ANKDD1B: variants seen among roughly 807,000 people sequenced by gnomAD.
The protein encoded by ANKDD1B is ankyrin repeat and death domain containing 1B.
A neutral mutation model predicts 59.7 loss-of-function variants in ANKDD1B; 57 were observed. The observed-to-expected ratio is 0.95, with a 90% CI of 0.77 to 1.19. The LOEUF (loss-of-function observed/expected upper bound fraction) is 1.19. Ranked by LOEUF, ANKDD1B falls within the 50% of genes most tolerant of loss-of-function variation. ANKDD1B has a pLI of 0.00. For synonymous variants in ANKDD1B, 216 were observed against 239.5 expected, an observed-to-expected ratio of 0.90 and a Z score of 0.91; for missense variants, 602 against 641.9, an observed-to-expected ratio of 0.94 and a Z score of 0.67.
intron 13 of ANKDD1B, among the ~76,000 whole-genome samples, chr5:75,670,629 C>CT (rs991550526): frequency 4.6e-5 from 7 of 152,066 alleles, no homozygotes; most frequent in Admixed American, 3.3e-4. Context: ...GTGAGCTGCA[C>CT]TTTTTTTTCT....
At chr5:75,665,718 C>T (rs1775287757) in intron 11 of ANKDD1B, among the ~76,000 whole-genome samples, 1 of 152,174 alleles carries the variant, frequency 6.6e-6, no homozygotes, top group African/African-American at 2.4e-5. Context: ...GAGCTTATTG[C>T]ATTTCCCTTG....
rs1775468950 is a variant in ANKDD1B, at chr5:75,671,092, T to A, written c.*52T>A. On this transcript the variant is annotated 3_prime_UTR_variant, in exon 14 of 14. Transcript: ENST00000601380. Reference sequence around the variant, plus strand: ...ATTTTCCACTCAGCATTCAGTTCTTTTAATGCCATAAATTTCTTCTAGCAG... The same window carrying A: ...ATTTTCCACTCAGCATTCAGTTCTTATAATGCCATAAATTTCTTCTAGCAG... The A allele has an allele frequency of 1.1e-6, 1 of 886,880 alleles. No homozygotes were observed. Among genetic ancestry groups the A allele is most frequent in the Non-Finnish European group, 1.5e-6 (1 of 672,840 alleles). 54.9% of individuals were successfully genotyped at this position (886,880 alleles called of 1,614,324 possible). A position where few individuals can be genotyped will look rare whatever the true frequency, so the allele number is the denominator to read the frequency against.
At chr5:75,657,138 A>G (rs77086169) in intron 9 of ANKDD1B, among the ~76,000 whole-genome samples, 2,744 of 152,278 alleles carry the variant, frequency 0.018, 90 homozygotes, top group African/African-American at 0.063. Context: ...ATCTTTCCCA[A>G]TGGGCAAAAT....
Position 75,671,144 on chromosome 5 carries a change from G to A in ANKDD1B, c.*104G>A. ...AGCACTGATTTTCAACTATGATGAT[G>A]GTGGTGACAGGGAACTCTAACAGAT... On this transcript the variant is annotated 3_prime_UTR_variant, in exon 14 of 14. Transcript: ENST00000601380. 1 of 441,316 alleles carries A rather than the reference G, an allele frequency of 2.3e-6. No homozygotes were observed. Among genetic ancestry groups the A allele is most frequent in the East Asian group, 3.6e-5 (1 of 27,886 alleles). The allele number at this position is 441,316 out of a possible 1,614,324, so 27.3% of individuals were successfully genotyped here.
At chr5:75,648,927 A>G (rs1561444621) in intron 7 of ANKDD1B, among the ~76,000 whole-genome samples, 1 of 152,104 alleles carries the variant, frequency 6.6e-6, no homozygotes, top group Non-Finnish European at 1.5e-5. Context: ...CCTCCCCATC[A>G]TCAAGGGGAG....
intron 9 of ANKDD1B, 110 bp from the exon 10 acceptor site, chr5:75,659,173 C>T (rs911103022): frequency 1.8e-5 from 13 of 730,570 alleles, no homozygotes; most frequent in Non-Finnish European, 2.9e-5. Context: ...CCCCAGTATC[C>T]ATTAAAAAAT....
rs1353246210 is a variant in ANKDD1B at position 75,611,749 on chromosome 5, C to A, written c.115C>A (p.Pro39Thr). ...REDLWGAAAL[P>T]WRSLSRIPKR... ...AGACCTGTGGGGCGCGGCCGCCCTG[C>A]CTTGGAGGAGCCTGTCCCGGATCCC... The change falls in exon 1 of 14, where the codon CCT becomes ACT. Residue 39 changes from proline (P) to threonine (T), a missense_variant. Physicochemically the swap from Pro to Thr is conservative, Grantham distance 38. Around this residue, in one of 3 missense-constraint regions of ANKDD1B, gnomAD observed 317 missense variants for 304.6 expected, o/e 1.04. Transcript: ENST00000601380. 6 of 1,231,876 alleles carry A rather than the reference C, an allele frequency of 4.9e-6. No homozygotes were observed. Among genetic ancestry groups the A allele is most frequent in the Non-Finnish European group, 5.1e-6 (5 of 988,114 alleles). 76.3% of individuals were successfully genotyped at this position (1,231,876 alleles called of 1,614,324 possible).
rs151130572 is a variant in ANKDD1B, at chr5:75,630,489, A to T, written c.601-4409A>T. Reference sequence around the variant, plus strand: ...TTTCCATGGAAAGGAAAGATGTTTCATCTGTGGTAACTGTAGTCTTTTCTC... The same window carrying T: ...TTTCCATGGAAAGGAAAGATGTTTCTTCTGTGGTAACTGTAGTCTTTTCTC... On this transcript the variant is annotated intron_variant, in intron 5 of 13. Coordinates refer to ENST00000601380, the MANE Select transcript of ANKDD1B (RefSeq NM_001276713.2). Among the ~76,000 whole-genome samples, 832 of 152,350 alleles carry T rather than the reference A, an allele frequency of 5.5e-3. 10 individuals are homozygous for T. The highest frequency in any genetic ancestry group is 0.014 in the African/African-American group (596 of 41,580).
chr5:75,661,044 C>T (rs1000737544), intron 10 of ANKDD1B, among the ~76,000 whole-genome samples: 1 of 151,596 alleles, frequency 6.6e-6, no homozygotes, highest in African/African-American at 2.4e-5. Context: ...TTTTACTTTT[C>T]TCTGTGTGTC....
chr5:75,669,256 T>G lies in ANKDD1B; in HGVS notation c.1398T>G (p.Asn466Lys), dbSNP rs1284989370. The G allele has an allele frequency of 8.1e-7, 1 of 1,231,928 alleles. No homozygotes were observed. Among genetic ancestry groups the G allele is most frequent in the Non-Finnish European group, 1.0e-6 (1 of 987,958 alleles). 76.3% of individuals were successfully genotyped at this position (1,231,928 alleles called of 1,614,324 possible). Residue 466 changes from asparagine (N) to lysine (K), a missense_variant, in exon 13 of 14, where the codon AAT becomes AAG. By Grantham distance (94) the Asn-to-Lys change is moderately conservative. This residue lies in a region of ANKDD1B where 280 missense variants were observed against 319.8 expected (regional missense o/e 0.88). Coordinates refer to ENST00000601380, the MANE Select transcript of ANKDD1B (RefSeq NM_001276713.2). Reference sequence around the variant, plus strand: ...GACCTCTTGTGCTTGGCACAGGAAATGAAAGCTTCCGTGAACATGGCCACA... The same window carrying G: ...GACCTCTTGTGCTTGGCACAGGAAAGGAAAGCTTCCGTGAACATGGCCACA... Reference protein sequence around the residue: ...IRAIEEQWSGNESFREHGHRA... With the variant: ...IRAIEEQWSGKESFREHGHRA...
At chr5:75,649,494 T>G (rs1774767662) in intron 7 of ANKDD1B, among the ~76,000 whole-genome samples, 1 of 152,202 alleles carries the variant, frequency 6.6e-6, no homozygotes, top group Admixed American at 6.5e-5. Context: ...GTTTTACATT[T>G]TAACGGTTTC....
At chr5:75,640,584 A>G (rs1223865708) in intron 7 of ANKDD1B, among the ~76,000 whole-genome samples, 2 of 152,336 alleles carry the variant, frequency 1.3e-5, no homozygotes, top group East Asian at 3.9e-4. Context: ...ATTAAATTTA[A>G]CTTATTTTTC....
At chr5:75,611,862 T>C in intron 1 of ANKDD1B, 35 bp downstream of exon 1, 2 of 1,229,836 alleles carry the variant, frequency 1.6e-6, no homozygotes, top group Non-Finnish European at 2.0e-6. Flanking sequence ...AAAATCAGGC[T>C]GCGGGGCGGG....
chr5:75,629,450 C>T (rs989547716), intron 5 of ANKDD1B, among the ~76,000 whole-genome samples: 2 of 152,108 alleles, frequency 1.3e-5, no homozygotes, highest in African/African-American at 4.8e-5. Context: ...TCAGGGATCC[C>T]TGTGGTAAAG....
chr5:75,625,561 TATTA>T, intron 3 of ANKDD1B, 82 bp from the exon 4 acceptor site: 2 of 927,356 alleles, frequency 2.2e-6, no homozygotes, highest in Non-Finnish European at 3.3e-6. Flanking sequence ...AACAATCTAG[TATTA>T]ATTTGGCCTT....
rs75000275 is a variant in ANKDD1B, at chr5:75,612,984, G to A, written c.193+1157G>A. Among the ~76,000 whole-genome samples the A allele has an allele frequency of 9.9e-3, 1,513 of 152,304 alleles. 18 individuals carry two copies. Among genetic ancestry groups the A allele is most frequent in the African/African-American group, 0.032 (1,342 of 41,554 alleles). ...AGAAAAGACTAGAAAGCGAAAGTTG[G>A]TTTACCAGACCTCTAGAGAAGAACA... is the stretch of plus-strand genomic sequence containing the variant. On this transcript the variant is annotated intron_variant, in intron 1 of 13. Transcript: ENST00000601380.
At chr5:75,613,832 A>G (rs1773639317) in intron 1 of ANKDD1B, among the ~76,000 whole-genome samples, 1 of 152,138 alleles carries the variant, frequency 6.6e-6, no homozygotes, top group Non-Finnish European at 1.5e-5. Flanking sequence ...GGACTTAAAA[A>G]CGATCTATTT....
intron 3 of ANKDD1B, among the ~76,000 whole-genome samples, chr5:75,622,270 TC>T (rs1200264993): frequency 1.3e-5 from 2 of 152,230 alleles, no homozygotes; most frequent in Non-Finnish European, 2.9e-5. Flanking sequence ...AGCATGCACA[TC>T]ACCTGCAAGC....
At chr5:75,670,646 G>A (rs546437272) in intron 13 of ANKDD1B, among the ~76,000 whole-genome samples, 1 of 152,272 alleles carries the variant, frequency 6.6e-6, no homozygotes, top group African/African-American at 2.4e-5. Flanking sequence ...TTCTAAATGG[G>A]AAAAGGGTTA....
Sources: allele counts gnomAD v4.1 joint callset (sites outside exome capture counted in the v4.1 genomes callset), GRCh38; gene constraint gnomAD v4.1.1; regional missense constraint gnomAD v4.1.1; transcripts MANE v1.5; gene names NCBI Gene and HGNC (gene_info 2026-07-23, HGNC 2026-07-21).